The following DLGAP2 variants were observed in gnomAD, a reference collection of about 807,000 sequenced individuals.
DLGAP2 encodes the protein disks large-associated protein 2.
In DLGAP2, 26 loss-of-function variants were observed where a neutral mutation model predicts 100.3. The observed-to-expected ratio is 0.26, with a 90% CI of 0.19 to 0.36. The LOEUF is 0.36. Among genes scored for constraint, DLGAP2 ranks in the 10% least tolerant of loss-of-function variants. The probability of loss-of-function intolerance (pLI) is 1.00; values close to 1 mark genes in which losing one functional copy is unlikely to be tolerated. For synonymous variants in DLGAP2, 886 were observed against 630.1 expected (o/e 1.41, Z -6.08); for missense variants, 1,858 against 1,453.2 (o/e 1.28, Z -4.53).
At chr8:1,267,573 T>G in intron 3 of DLGAP2, among the ~76,000 whole-genome samples, 1 of 51,472 alleles carries the variant, frequency 1.9e-5, no homozygotes, top group East Asian at 4.8e-4. Context: ...TAAAATAAAA[T>G]AAAATAAAAT....
intron 3 of DLGAP2, among the ~76,000 whole-genome samples, chr8:1,303,724 C>G (rs1800422066): frequency 1.3e-5 from 2 of 152,124 alleles, no homozygotes; most frequent in Non-Finnish European, 1.5e-5. Context: ...TGCTTCCTCC[C>G]AGGCATTTTC....
intron 1 of DLGAP2, among the ~76,000 whole-genome samples, chr8:879,615 C>T (rs1267600426): frequency 6.6e-6 from 1 of 152,176 alleles, no homozygotes; most frequent in Non-Finnish European, 1.5e-5. Flanking sequence ...GCCAAGAACA[C>T]ACAAATCCGT....
At chr8:904,717 C>T (rs1359552586) in intron 1 of DLGAP2, among the ~76,000 whole-genome samples, 1 of 152,172 alleles carries the variant, frequency 6.6e-6, no homozygotes, top group Non-Finnish European at 1.5e-5. Flanking sequence ...GGACAGACAC[C>T]TCGGGGTGAC....
At chr8:1,382,071 A>C (rs1308888578) in intron 3 of DLGAP2, among the ~76,000 whole-genome samples, 1 of 152,184 alleles carries the variant, frequency 6.6e-6, no homozygotes, top group African/African-American at 2.4e-5. Context: ...AGAAATCCGC[A>C]TATAACTTTT....
chr8:909,538 T>C (rs1798444075), intron 2 of DLGAP2, among the ~76,000 whole-genome samples: 2 of 152,202 alleles, frequency 1.3e-5, no homozygotes, highest in Admixed American at 1.3e-4. Context: ...TGAAGATGTT[T>C]TATTTACTTT....
rs185094075 is a variant in DLGAP2 at position 1,410,292 on chromosome 8, G to T, written c.107-91074G>T. Among the ~76,000 whole-genome samples, 727 of 152,322 alleles carry T rather than the reference G, an allele frequency of 4.8e-3. 4 individuals carry two copies. The highest frequency in any genetic ancestry group is 0.017 in the Middle Eastern group (5 of 294). On this transcript the variant is annotated intron_variant, in intron 3 of 14. Coordinates refer to ENST00000637795, the MANE Select transcript of DLGAP2 (RefSeq NM_001346810.2). The stretch of plus-strand genomic sequence containing the variant: ...ATGAGGATACCAGTAATAGTGACAC[G>T]GAAGGTAACATTCACGGGCATGGCT...
chr8:946,717 TCTGAGTGTCAGGA>T (rs1799335536), intron 2 of DLGAP2, among the ~76,000 whole-genome samples: 1 of 152,208 alleles, frequency 6.6e-6, no homozygotes, highest in Non-Finnish European at 1.5e-5. Flanking sequence ...ATGTTATCAC[TCTGAGTGTCAGGA>T]CTGAGTGCCA....
intron 3 of DLGAP2, among the ~76,000 whole-genome samples, chr8:1,443,789 C>T (rs985712938): frequency 5.3e-5 from 8 of 152,128 alleles, no homozygotes; most frequent in Non-Finnish European, 2.9e-5. Flanking sequence ...CCTGGCCCCA[C>T]CCTTGACACG....
intron 2 of DLGAP2, among the ~76,000 whole-genome samples, chr8:1,210,902 C>G (rs186640516): frequency 2.0e-5 from 3 of 152,332 alleles, no homozygotes; most frequent in Admixed American, 6.5e-5. Context: ...AGCAATGTCC[C>G]TCCCAGGACG....
chr8:1,437,693 G>A (rs1319401853), intron 3 of DLGAP2, among the ~76,000 whole-genome samples: 1 of 151,408 alleles, frequency 6.6e-6, no homozygotes, highest in East Asian at 1.9e-4. Context: ...AATATCACCG[G>A]CCGGTGGCTC....
chr8:1,082,306 A>AT (rs746997137), intron 2 of DLGAP2, among the ~76,000 whole-genome samples: 2 of 152,104 alleles, frequency 1.3e-5, no homozygotes, highest in Admixed American at 6.6e-5. Flanking sequence ...TTACACATTG[A>AT]TTTTTTATCT....
At chr8:1,112,302 G>A (rs1415549790) in intron 2 of DLGAP2, among the ~76,000 whole-genome samples, 2 of 135,970 alleles carry the variant, frequency 1.5e-5, no homozygotes, top group Admixed American at 8.1e-5. Flanking sequence ...GTGCAGTGGT[G>A]TGATCTTGGC....
chr8:1,290,777 T>C (rs187397166), intron 3 of DLGAP2, among the ~76,000 whole-genome samples: 2 of 152,356 alleles, frequency 1.3e-5, no homozygotes, highest in East Asian at 1.9e-4. Context: ...AAGCTTATGC[T>C]CAGGCCTGAT....
In DLGAP2 at chr8:1,548,845, G is replaced by C; in HGVS notation, c.392G>C (p.Gly131Ala). Residue 131 changes from glycine to alanine, a missense_variant, in exon 5 of 15, where the codon GGG becomes GCG. Physicochemically the swap from Gly to Ala is moderately conservative, Grantham distance 60. Coordinates refer to ENST00000637795, the MANE Select transcript of DLGAP2 (RefSeq NM_001346810.2). ...LLSPADSCPG[G>A]RHRCSPRSSV... ...AGCCCCGCCGACAGCTGCCCCGGGG[G>C]GCGCCACCGCTGCTCGCCGCGCAGC... The C allele has an allele frequency of 6.3e-7, 1 of 1,579,906 alleles. No homozygotes were observed. Among genetic ancestry groups the C allele is most frequent in the Non-Finnish European group, 8.6e-7 (1 of 1,166,794 alleles).
At chr8:1,252,291 A>G (rs35462077) in intron 2 of DLGAP2, among the ~76,000 whole-genome samples, 17 of 116,506 alleles carry the variant, frequency 1.5e-4, no homozygotes, top group African/African-American at 4.1e-4. Context: ...ACTTGTCACA[A>G]TGTGGTGTTG....
chr8:1,553,246 T>A (rs911739427), intron 5 of DLGAP2, among the ~76,000 whole-genome samples: 1 of 152,194 alleles, frequency 6.6e-6, no homozygotes, highest in Non-Finnish European at 1.5e-5. Flanking sequence ...TCCCACCGCG[T>A]CCTGCGCTCC....
At chr8:1,182,949 C>T (rs561591743) in intron 2 of DLGAP2, among the ~76,000 whole-genome samples, 7 of 152,230 alleles carry the variant, frequency 4.6e-5, no homozygotes, top group East Asian at 3.9e-4. Flanking sequence ...GGGAGACGCG[C>T]ACCATGGAGC....
intron 6 of DLGAP2, among the ~76,000 whole-genome samples, chr8:1,603,083 C>G (rs185518713): frequency 1.3e-5 from 2 of 151,690 alleles, no homozygotes; most frequent in East Asian, 3.9e-4. Context: ...AGCTGGGTCT[C>G]AGTTCTGCAG....
intron 2 of DLGAP2, among the ~76,000 whole-genome samples, chr8:1,142,796 G>A (rs922845935): frequency 1.3e-5 from 2 of 152,160 alleles, no homozygotes; most frequent in South Asian, 4.1e-4. Flanking sequence ...GGATTGAAAA[G>A]CAAGGAAAGC....
Sources: allele counts gnomAD v4.1 joint callset (sites outside exome capture counted in the v4.1 genomes callset), GRCh38; gene constraint gnomAD v4.1.1; transcripts MANE v1.5; gene names NCBI Gene and HGNC (gene_info 2026-07-23, HGNC 2026-07-21).